The following LINGO2 variants were observed in gnomAD, a reference collection of about 807,000 sequenced individuals.
The protein encoded by LINGO2 is leucine-rich repeat and immunoglobulin-like domain-containing nogo receptor-interacting protein 2.
Under a neutral mutation model 30.6 loss-of-function variants are expected in LINGO2, and 14 were observed. The ratio of observed to expected loss-of-function variants is 0.46; its 90% CI spans 0.30 to 0.72. LINGO2 has a LOEUF of 0.72. Ranked by LOEUF, LINGO2 falls within the 30% of genes least tolerant of loss-of-function variation. The pLI is 0.07. For synonymous variants in LINGO2, 317 were observed against 288.5 expected, an observed-to-expected ratio of 1.10 and a Z score of -1.00; for missense variants, 729 against 751.7, an observed-to-expected ratio of 0.97 and a Z score of 0.35.
chr9:29,074,539 C>T, the LINGO2 span, among the ~76,000 whole-genome samples: 2 of 152,072 alleles, frequency 1.3e-5, no homozygotes, highest in Admixed American at 1.3e-4. Context: ...ACTTCAAGGA[C>T]ATCCTGGGAC....
the LINGO2 span, among the ~76,000 whole-genome samples, chr9:29,140,588 G>C: frequency 6.7e-6 from 1 of 150,076 alleles, no homozygotes; most frequent in Non-Finnish European, 1.5e-5. Flanking sequence ...GAAAGAGAAG[G>C]GAAAGGGGAA....
chr9:28,249,458 T>C (rs966593464), intron 4 of LINGO2, among the ~76,000 whole-genome samples: 1 of 152,256 alleles, frequency 6.6e-6, no homozygotes, highest in East Asian at 1.9e-4. Context: ...CAACAAGAAT[T>C]ATTGAAAACG....
intron 2 of LINGO2, among the ~76,000 whole-genome samples, chr9:28,399,669 T>A (rs1822182587): frequency 6.6e-6 from 1 of 152,164 alleles, no homozygotes; most frequent in African/African-American, 2.4e-5. Context: ...ATGGGGTTAA[T>A]ACTTCCTGTG....
At chr9:28,733,021 A>C in the LINGO2 span, among the ~76,000 whole-genome samples, 1 of 152,202 alleles carries the variant, frequency 6.6e-6, no homozygotes, top group African/African-American at 2.4e-5. Flanking sequence ...TGTATACTCC[A>C]TAATTATTAC....
intron 3 of LINGO2, among the ~76,000 whole-genome samples, chr9:28,360,346 GCATCTGATACATCAAGGAA>G (rs1418452356): frequency 6.6e-6 from 1 of 152,136 alleles, no homozygotes; most frequent in African/African-American, 2.4e-5. Flanking sequence ...GATTAGAAGA[GCATCTGATACATCAAGGAA>G]CCTATACCTG....
chr9:28,404,527 G>A (rs1822412980), intron 2 of LINGO2, among the ~76,000 whole-genome samples: 1 of 152,106 alleles, frequency 6.6e-6, no homozygotes, highest in Non-Finnish European at 1.5e-5. Context: ...TAAAATGTAT[G>A]TGATTATATT....
chr9:27,945,094 G>A (rs1022543837), downstream of LINGO2, among the ~76,000 whole-genome samples: 1 of 152,064 alleles, frequency 6.6e-6, no homozygotes, highest in Non-Finnish European at 1.5e-5. Flanking sequence ...CAAGACATAT[G>A]CAGTGTTGAA....
downstream of LINGO2, among the ~76,000 whole-genome samples, chr9:27,947,467 T>G (rs2118234563): frequency 6.6e-6 from 1 of 152,212 alleles, no homozygotes; most frequent in Middle Eastern, 3.4e-3. Context: ...CACTAAATGG[T>G]TTTTAATCCA....
chr9:28,587,941 T>A (rs1286780129), intron 1 of LINGO2, among the ~76,000 whole-genome samples: 2 of 151,966 alleles, frequency 1.3e-5, no homozygotes, highest in Non-Finnish European at 2.9e-5. Context: ...GACACCGAGT[T>A]GGATGAAGAA....
chr9:29,055,424 C>G, the LINGO2 span, among the ~76,000 whole-genome samples: 1 of 152,126 alleles, frequency 6.6e-6, no homozygotes, highest in Admixed American at 6.5e-5. Context: ...CCGTGCATAT[C>G]ACCACATTTT....
At chr9:28,218,293 G>A (rs1039065151) in intron 4 of LINGO2, among the ~76,000 whole-genome samples, 1 of 138,286 alleles carries the variant, frequency 7.2e-6, no homozygotes, top group African/African-American at 2.6e-5. Context: ...TTTTTTTTTA[G>A]TTATGGAAAT....
At chr9:28,389,117 A>G (rs7848207) in intron 2 of LINGO2, among the ~76,000 whole-genome samples, 103,242 of 152,008 alleles carry the variant, frequency 0.68, 36,204 homozygotes, top group Middle Eastern at 0.76. Context: ...TGTCTTTAGA[A>G]TCTTGGGCAT....
intron 4 of LINGO2, among the ~76,000 whole-genome samples, chr9:28,175,016 G>T (rs528919875): frequency 4.0e-5 from 6 of 151,726 alleles, no homozygotes; most frequent in Admixed American, 3.3e-4. Context: ...ATTGTATAAG[G>T]GTAACTGCCT....
At position 28,367,626 on chromosome 9, in the gene LINGO2, C is replaced by T. The variant is rs575436519; in HGVS notation, c.-246+5210G>A. On this transcript the variant is annotated intron_variant, in intron 3 of 5. Transcript: ENST00000379992. ...AAGTCATGGTCTATTCTGGCTCTTA[C>T]GCTTTTGTAGGTGACTCTTTTTTTC... Among the ~76,000 whole-genome samples the T allele has an allele frequency of 7.5e-4, 114 of 151,486 alleles. 3 individuals are homozygous for T. The South Asian group carries it at 0.022, about 29-fold the overall frequency.
chr9:28,119,827 A>G (rs926884461), intron 4 of LINGO2, among the ~76,000 whole-genome samples: 1 of 152,188 alleles, frequency 6.6e-6, no homozygotes, highest in African/African-American at 2.4e-5. Context: ...TTAGAACTAT[A>G]GGTAAATGCA....
intron 4 of LINGO2, among the ~76,000 whole-genome samples, chr9:28,043,718 C>CT (rs1824294071): frequency 6.6e-6 from 1 of 152,128 alleles, no homozygotes; most frequent in Non-Finnish European, 1.5e-5. Context: ...TACCACCTTT[C>CT]TTGTCCCCAC....
chr9:28,547,865 T>C (rs1281868542), intron 1 of LINGO2, among the ~76,000 whole-genome samples: 1 of 151,942 alleles, frequency 6.6e-6, no homozygotes, highest in Non-Finnish European at 1.5e-5. Context: ...TTGAAGAAAA[T>C]AGGGGGAAGA....
chr9:28,367,995 G>C (rs186996274), intron 3 of LINGO2, among the ~76,000 whole-genome samples: 2 of 151,850 alleles, frequency 1.3e-5, no homozygotes. Flanking sequence ...CTTTTTCCAA[G>C]AGCTTTTACT....
the LINGO2 span, among the ~76,000 whole-genome samples, chr9:28,695,011 T>A: frequency 6.6e-6 from 1 of 151,236 alleles, no homozygotes; most frequent in Non-Finnish European, 1.5e-5. Context: ...GTATACCCAT[T>A]GAGCTGTCAG....
Sources: allele counts gnomAD v4.1 joint callset (sites outside exome capture counted in the v4.1 genomes callset), GRCh38; gene constraint gnomAD v4.1.1; transcripts MANE v1.5; gene names NCBI Gene and HGNC (gene_info 2026-07-23, HGNC 2026-07-21).